MBTD1: variants seen among roughly 807,000 people sequenced by gnomAD.
MBTD1 encodes the protein MBT domain-containing protein 1.
A neutral mutation model predicts 87.8 loss-of-function variants in MBTD1; 24 were observed. The ratio of observed to expected loss-of-function variants is 0.27; its 90% CI spans 0.20 to 0.38. MBTD1 has a LOEUF of 0.38. Among genes scored for constraint, MBTD1 ranks in the 10% least tolerant of loss-of-function variants. The pLI is 1.00. For synonymous variants in MBTD1, 237 were observed against 248.6 expected (o/e 0.95, Z 0.44); for missense variants, 436 against 760.2 (o/e 0.57, Z 5.02).
chr17:51,199,250 C>G (rs2051320249), intron 12 of MBTD1, among the ~76,000 whole-genome samples: 1 of 151,140 alleles, frequency 6.6e-6, no homozygotes, highest in Non-Finnish European at 1.5e-5. Flanking sequence ...GTGCCTGGCC[C>G]CAGGCCCAGC....
intron 2 of MBTD1, among the ~76,000 whole-genome samples, chr17:51,225,621 T>C (rs985730186): frequency 4.0e-5 from 6 of 151,304 alleles, no homozygotes; most frequent in African/African-American, 1.2e-4. Flanking sequence ...CCTCCCAGAG[T>C]GCTCGGATTA....
chr17:51,233,394 A>G (rs1411020446), intron 2 of MBTD1, among the ~76,000 whole-genome samples: 1 of 152,188 alleles, frequency 6.6e-6, no homozygotes, highest in African/African-American at 2.4e-5. Context: ...AAAACGCTAA[A>G]AAAAATTACG....
chr17:51,216,787 T>C (rs571503525), intron 6 of MBTD1, among the ~76,000 whole-genome samples: 23 of 152,340 alleles, frequency 1.5e-4, no homozygotes, highest in African/African-American at 5.1e-4. Context: ...TCTCACTCTG[T>C]AGCCCAGGAT....
chr17:51,218,991 A>T lies in MBTD1; in HGVS notation c.342T>A (p.Ala114=). The part of the protein sequence containing the change: ...AKVLQKQPLV[A]KLAAYAQYQA... ...GATACTGAGCATATGCGGCTAGCTT[A>T]GCAACTAAAGGTTGTTTCTGAAGAA... Residue 114 remains alanine (A), a synonymous_variant, in exon 5 of 17, where the codon GCT becomes GCA. Coordinates refer to ENST00000586178, the MANE Select transcript of MBTD1 (RefSeq NM_017643.3). 5 of 1,551,462 alleles carry T rather than the reference A, an allele frequency of 3.2e-6. No homozygotes were observed. Among genetic ancestry groups the T allele is most frequent in the Non-Finnish European group, 4.4e-6 (5 of 1,146,838 alleles).
At chr17:51,244,347 A>G (rs879840232) in intron 2 of MBTD1, among the ~76,000 whole-genome samples, 3 of 152,126 alleles carry the variant, frequency 2.0e-5, no homozygotes, top group Non-Finnish European at 4.4e-5. Context: ...TTTATCATTC[A>G]TCACTATTCT....
At chr17:51,234,080 C>A (rs1465418673) in intron 2 of MBTD1, among the ~76,000 whole-genome samples, 1 of 151,672 alleles carries the variant, frequency 6.6e-6, no homozygotes, top group Non-Finnish European at 1.5e-5. Flanking sequence ...ACAAAATATC[C>A]CAATATCATA....
rs527636263 is a variant in MBTD1, at chr17:51,248,061, C to T, written c.-49+11082G>A. ...AAATAGTTCTCAATTTCCTCTGTAT[C>T]CAATGTTATTTTCCCGTTGTTATTT... On this transcript the variant is annotated intron_variant, in intron 2 of 16. Coordinates refer to ENST00000586178, the MANE Select transcript of MBTD1 (RefSeq NM_017643.3). Among the ~76,000 whole-genome samples, 44 of 152,242 alleles carry T rather than the reference C, an allele frequency of 2.9e-4. No homozygotes were observed. In the South Asian group the frequency reaches 8.3e-3, roughly 29 times the overall value.
chr17:51,251,143 G>A (rs2054756347), intron 2 of MBTD1: 2 of 152,152 alleles, frequency 1.3e-5, no homozygotes, highest in South Asian at 4.1e-4. Flanking sequence ...TTTGATGGGG[G>A]TAGATTTTCA....
chr17:51,188,646 G>A (rs1323068214), intron 16 of MBTD1, among the ~76,000 whole-genome samples: 1 of 151,892 alleles, frequency 6.6e-6, no homozygotes, highest in South Asian at 2.1e-4. Context: ...CTAACAAACT[G>A]CTGAGTAATA....
intron 16 of MBTD1, among the ~76,000 whole-genome samples, chr17:51,188,023 A>T (rs1189815493): frequency 6.6e-6 from 1 of 152,160 alleles, no homozygotes; most frequent in African/African-American, 2.4e-5. Context: ...ATTCCTATGT[A>T]AAATGATGTG....
chr17:51,243,269 T>C (rs9902908), intron 2 of MBTD1, among the ~76,000 whole-genome samples: 14,914 of 151,294 alleles, frequency 0.099, 1,110 homozygotes, highest in African/African-American at 0.2. Flanking sequence ...AAAAATGGTA[T>C]GCCAGTATAG....
chr17:51,253,483 ATATAG>A (rs2054913445), intron 2 of MBTD1, among the ~76,000 whole-genome samples: 1 of 152,150 alleles, frequency 6.6e-6, no homozygotes, highest in South Asian at 2.1e-4. Context: ...AAATCACAAT[ATATAG>A]TATAATAAAA....
At chr17:51,256,447 C>T (rs950670838) in intron 2 of MBTD1, 1 of 152,162 alleles carries the variant, frequency 6.6e-6, no homozygotes, top group African/African-American at 2.4e-5. Flanking sequence ...CCCTAACCAA[C>T]CTGATAAACT....
chr17:51,228,273 A>T (rs1476310542), intron 2 of MBTD1, among the ~76,000 whole-genome samples: 1 of 152,134 alleles, frequency 6.6e-6, no homozygotes, highest in African/African-American at 2.4e-5. Context: ...AATGAGTACT[A>T]GGCTACTAGG....
chr17:51,218,032 T>C (rs1187772592), intron 5 of MBTD1, among the ~76,000 whole-genome samples: 3 of 152,204 alleles, frequency 2.0e-5, no homozygotes, highest in Non-Finnish European at 2.9e-5. Flanking sequence ...CTTTTGTGCT[T>C]TTATTTCCAT....
chr17:51,259,807 C>CA, intron 1 of MBTD1, 28 bp downstream of exon 1: 1 of 1,232,636 alleles, frequency 8.1e-7, no homozygotes, highest in Non-Finnish European at 1.0e-6. Flanking sequence ...ACCTGGCACA[C>CA]AAAGCGGCTG....
intron 12 of MBTD1, among the ~76,000 whole-genome samples, chr17:51,199,504 C>G (rs542511811): frequency 6.6e-6 from 1 of 151,636 alleles, no homozygotes. Flanking sequence ...TGCAGTGGTG[C>G]GATCTCAGCT....
chr17:51,186,646 C>A (rs1040049135), intron 16 of MBTD1, among the ~76,000 whole-genome samples: 1 of 151,718 alleles, frequency 6.6e-6, no homozygotes, highest in Non-Finnish European at 1.5e-5. Flanking sequence ...TGGTGGCAGG[C>A]GCCTGTGGTC....
At chr17:51,256,281 G>T in intron 2 of MBTD1, 1 of 152,328 alleles carries the variant, frequency 6.6e-6, no homozygotes. Context: ...GGAAAGTGAA[G>T]CTTTCAAAGA....
Sources: allele counts gnomAD v4.1 joint callset (sites outside exome capture counted in the v4.1 genomes callset), GRCh38; gene constraint gnomAD v4.1.1; transcripts MANE v1.5; gene names NCBI Gene and HGNC (gene_info 2026-07-23, HGNC 2026-07-21).